The following NDRG2 variants were observed in gnomAD, a reference collection of about 807,000 sequenced individuals.
NDRG2 encodes the protein protein NDRG2.
In NDRG2, 34 loss-of-function variants were observed where a neutral mutation model predicts 58.2. That is an observed-to-expected ratio of 0.58 (90% CI 0.44 to 0.78). The LOEUF (loss-of-function observed/expected upper bound fraction) is 0.78. NDRG2 is among the 30% of genes least tolerant of loss of function. The probability of loss-of-function intolerance (pLI) is 0.00; values close to 1 mark genes in which losing one functional copy is unlikely to be tolerated. For missense variants in NDRG2, 434 were observed against 471.2 expected (o/e 0.92, Z 0.73); for synonymous variants, 187 against 175.9 (o/e 1.06, Z -0.50).
Position 21,017,776 on chromosome 14 carries a change from A to G in NDRG2, c.950-14T>C, listed in dbSNP as rs1877540182. 1 of 1,602,290 alleles carries G rather than the reference A, an allele frequency of 6.2e-7. No individual in the cohort carries two copies. The highest frequency in any genetic ancestry group is 1.1e-5 in the South Asian group (1 of 89,774). On this transcript the variant is annotated splice_polypyrimidine_tract_variant and intron_variant, in intron 15 of 15. Coordinates refer to ENST00000556147, the MANE Select transcript of NDRG2 (RefSeq NM_001320329.2). Reference sequence around the variant, plus strand: ...AGGATGAGGCCACTGTGGAGACAGCACGATGCACAAGCAGTCAGAGAGGAA... The same window carrying G: ...AGGATGAGGCCACTGTGGAGACAGCGCGATGCACAAGCAGTCAGAGAGGAA...
At chr14:21,034,888 C>T (rs1245975233) in intron 1 of NDRG2, 1 of 152,808 alleles carries the variant, frequency 6.5e-6, no homozygotes, top group Admixed American at 6.5e-5. Flanking sequence ...TCCTCCTCTA[C>T]AGTGTCATTG....
Position 21,018,056 on chromosome 14 carries a change from G to A in NDRG2, c.898-18C>T. On this transcript the variant is annotated intron_variant, in intron 14 of 15. Coordinates refer to ENST00000556147, the MANE Select transcript of NDRG2 (RefSeq NM_001320329.2). ...TTGCCTGGCTGCGGAAGTAAGAAGA[G>A]GCGAGGGAGACGGTGAGATGAGGTT... 6.2e-7 allele frequency: 1 copy of A among 1,612,790 alleles called. No homozygotes were observed. The highest frequency in any genetic ancestry group is 8.5e-7 in the Non-Finnish European group (1 of 1,178,768).
chr14:21,046,222 G>C (rs956496229), intron 1 of NDRG2, among the ~76,000 whole-genome samples: 3 of 152,070 alleles, frequency 2.0e-5, no homozygotes, highest in African/African-American at 7.2e-5. Context: ...TTATTAAATT[G>C]TTGTAAATAC....
intron 1 of NDRG2, chr14:21,030,967 T>C (rs1340329893): frequency 1.3e-6 from 2 of 1,571,162 alleles, no homozygotes; most frequent in East Asian, 4.5e-5. Flanking sequence ...TGGAAGGTAA[T>C]GCATTCATGC....
In NDRG2 at chr14:21,017,626, G is replaced by C; in HGVS notation, c.1086C>G (p.Pro362=). Residue 362 remains proline, a synonymous_variant, in exon 16 of 16, where the codon CCC becomes CCG. Transcript: ENST00000556147. ...SSESGTLSSG[P]PGHTMEVSC ...AGGAGACCTCCATGGTGTGCCCCGGGGGCCCCGAAGAAAGAGTTCCAGACT... is the reference window on the plus strand; with the variant it reads ...AGGAGACCTCCATGGTGTGCCCCGGCGGCCCCGAAGAAAGAGTTCCAGACT... 6.2e-7 allele frequency: 1 copy of C among 1,613,746 alleles called. No homozygotes were observed. Among genetic ancestry groups the C allele is most frequent in the Non-Finnish European group, 8.5e-7 (1 of 1,179,860 alleles).
intron 1 of NDRG2, among the ~76,000 whole-genome samples, chr14:21,061,918 C>T (rs779220440): frequency 6.6e-6 from 1 of 152,084 alleles, no homozygotes; most frequent in Non-Finnish European, 1.5e-5. Context: ...GAATGTTTTG[C>T]TGGTTAGCTC....
At chr14:21,029,119 G>T (rs1017074223), upstream of NDRG2, 2 of 152,152 alleles carry the variant, frequency 1.3e-5, no homozygotes, top group African/African-American at 4.8e-5. Flanking sequence ...ATACTCCAAG[G>T]CTTGCTGGGC....
intron 1 of NDRG2, among the ~76,000 whole-genome samples, chr14:21,052,066 T>C (rs1885492828): frequency 6.6e-6 from 1 of 152,236 alleles, no homozygotes; most frequent in Non-Finnish European, 1.5e-5. Context: ...TTTGATGTTT[T>C]TTCTTGTGTC....
intron 1 of NDRG2, chr14:21,058,213 G>A (rs781665069): frequency 1.2e-6 from 2 of 1,613,978 alleles, no homozygotes; most frequent in Admixed American, 1.7e-5. Context: ...CCCTGACCAT[G>A]GGTGAGCTCA....
At chr14:21,034,549 TAA>T in intron 1 of NDRG2, 1 of 458,640 alleles carries the variant, frequency 2.2e-6, no homozygotes, top group Non-Finnish European at 3.9e-6. Flanking sequence ...ATTTGCAGAA[TAA>T]GAGCTCTAAC....
rs917065435 is a variant in NDRG2, at chr14:21,021,589, A to G, written c.407+228T>C. 35 of 565,514 alleles carry G rather than the reference A, an allele frequency of 6.2e-5. 1 individual carries two copies. Among genetic ancestry groups the G allele is most frequent in the South Asian group, 1.5e-4 (7 of 46,954 alleles). The allele number at this position is 565,514 out of a possible 1,614,324, so 35.0% of individuals were successfully genotyped here. A position where few individuals can be genotyped will look rare whatever the true frequency, so the allele number is the denominator to read the frequency against. ...TCCTTAGCCTGAGGCAGGGCCAAGC[A>G]TAGACCCTTTTCCTTCCCTCCACCC... On this transcript the variant is annotated intron_variant, in intron 6 of 15. Coordinates refer to ENST00000556147, the MANE Select transcript of NDRG2 (RefSeq NM_001320329.2).
intron 1 of NDRG2, among the ~76,000 whole-genome samples, chr14:21,047,403 A>G (rs1885235795): frequency 6.6e-6 from 1 of 152,174 alleles, no homozygotes; most frequent in Non-Finnish European, 1.5e-5. Flanking sequence ...CCCTACCTGA[A>G]TAGATTTGTC....
intron 1 of NDRG2, chr14:21,048,422 G>A (rs1234552519): frequency 6.6e-6 from 1 of 152,150 alleles, no homozygotes; most frequent in Non-Finnish European, 1.5e-5. Flanking sequence ...CACTGTGATA[G>A]AACGCCTCTT....
In NDRG2 at chr14:21,070,721, CTT is replaced by C; in HGVS notation, c.24+105_24+106del. ...TGACCTGTGCCTTCCTTTCCTGGAGCTTCCCTCCCCCTCCTGGTCCGAGCTCC... is the reference window on the plus strand; with the variant it reads ...TGACCTGTGCCTTCCTTTCCTGGAGCCCCTCCCCCTCCTGGTCCGAGCTCC... On this transcript the variant is annotated intron_variant, in intron 1 of 14. Coordinates refer to the NDRG2 transcript ENST00000403829. The surrounding 1 kb of genome is among the most constrained non-coding windows in gnomAD (Gnocchi z 4.7). 7.7e-7 allele frequency: 1 copy of C among 1,292,738 alleles called. No homozygotes were observed. The highest frequency in any genetic ancestry group is 2.5e-5 in the East Asian group (1 of 39,518). 80.1% of individuals were successfully genotyped at this position (1,292,738 alleles called of 1,614,324 possible). A position where few individuals can be genotyped will look rare whatever the true frequency, so the allele number is the denominator to read the frequency against.
rs1213604467 is a variant in NDRG2 at position 21,068,041 on chromosome 14, C to T, written c.24+2787G>A. Among the ~76,000 whole-genome samples, 3 of 9,002 alleles carry T rather than the reference C, an allele frequency of 3.3e-4. 1 individual carries two copies. Among genetic ancestry groups the T allele is most frequent in the African/African-American group, 5.0e-4 (3 of 6,014 alleles). 5.9% of individuals were successfully genotyped at this position (9,002 alleles called of 152,430 possible). A position where few individuals can be genotyped will look rare whatever the true frequency, so the allele number is the denominator to read the frequency against. Reference sequence around the variant, plus strand: ...TTGAGACGGAGTCTCGCTCTGTCGCCCAGGCTGGAGTGCAGTGGCGCGATC... The same window carrying T: ...TTGAGACGGAGTCTCGCTCTGTCGCTCAGGCTGGAGTGCAGTGGCGCGATC... On this transcript the variant is annotated intron_variant, in intron 1 of 14. Transcript: ENST00000403829.
chr14:21,031,293 G>C lies in NDRG2; in HGVS notation c.25-7972C>G, dbSNP rs762370341. 3 of 1,277,690 alleles carry C rather than the reference G, an allele frequency of 2.3e-6. No individual in the cohort carries two copies. In the African/African-American group the frequency reaches 4.5e-5, roughly 19 times the overall value. 79.1% of individuals were successfully genotyped at this position (1,277,690 alleles called of 1,614,324 possible). A position where few individuals can be genotyped will look rare whatever the true frequency, so the allele number is the denominator to read the frequency against. ...CGAAACAGACTTTAGAGATCATCTA[G>C]ACATTCCAGAAGTCAGGAAAATGTG... On this transcript the variant is annotated intron_variant, in intron 1 of 14. Transcript: ENST00000403829.
At chr14:21,066,677 G>T (rs1180701157) in intron 1 of NDRG2, among the ~76,000 whole-genome samples, 1 of 152,218 alleles carries the variant, frequency 6.6e-6, no homozygotes, top group Non-Finnish European at 1.5e-5. Flanking sequence ...ATGGTGCAGA[G>T]AATGGCTTAT....
Position 21,020,803 on chromosome 14 carries a change from T to C in NDRG2, c.449A>G (p.Tyr150Cys), listed in dbSNP as rs1291430138. ...TCTTACAGCATATCTCGCCAGGATGTAGGCTCCAGCTCCAACACCAACTCC... is the reference window on the plus strand; with the variant it reads ...TCTTACAGCATATCTCGCCAGGATGCAGGCTCCAGCTCCAACACCAACTCC... The part of the protein sequence containing the change: ...IIGVGVGAGA[Y>C]ILARYALNHP... The change falls in exon 7 of 16, where the codon TAC (tyrosine) becomes TGC (cysteine). Residue 150 changes from tyrosine (Y) to cysteine (C), a missense_variant. Coordinates refer to ENST00000556147, the MANE Select transcript of NDRG2 (RefSeq NM_001320329.2). 6.2e-7 allele frequency: 1 copy of C among 1,614,004 alleles called. No individual in the cohort carries two copies. Among genetic ancestry groups the C allele is most frequent in the Non-Finnish European group, 8.5e-7 (1 of 1,180,044 alleles).
At position 21,024,064 on chromosome 14, in the gene NDRG2, G is replaced by T; in HGVS notation, c.-41C>A. On this transcript the variant is annotated 5_prime_UTR_variant, in exon 1 of 16. Transcript: ENST00000556147. ...ATTGGCTGGATGCAGTGGGATTAGG[G>T]GTCAGGGTTCTCACTCCTTCTGACT... is the stretch of plus-strand genomic sequence containing the variant. 5.1e-6 allele frequency: 5 copies of T among 985,508 alleles called. No homozygotes were observed. The highest frequency in any genetic ancestry group is 6.0e-6 in the Non-Finnish European group (5 of 830,028). The allele number at this position is 985,508 out of a possible 1,614,324, so 61.0% of individuals were successfully genotyped here. A position where few individuals can be genotyped will look rare whatever the true frequency, so the allele number is the denominator to read the frequency against.
Sources: allele counts gnomAD v4.1 joint callset (sites outside exome capture counted in the v4.1 genomes callset), GRCh38; gene constraint gnomAD v4.1.1; non-coding constraint Gnocchi (gnomAD v3.1); transcripts MANE v1.5; gene names NCBI Gene and HGNC (gene_info 2026-07-23, HGNC 2026-07-21).